The following NDST4 variants were observed in gnomAD, a reference collection of about 807,000 sequenced individuals.
NDST4 encodes the protein N-heparan sulfate sulfotransferase 4.
In NDST4, 63 loss-of-function variants were observed where a neutral mutation model predicts 100.8. The ratio of observed to expected loss-of-function variants is 0.62; its 90% CI spans 0.51 to 0.77. NDST4 has a LOEUF of 0.77. Among genes scored for constraint, NDST4 ranks in the 30% least tolerant of loss-of-function variants. The probability of loss-of-function intolerance (pLI) is 0.00; values close to 1 mark genes in which losing one functional copy is unlikely to be tolerated. For synonymous variants in NDST4, 377 were observed against 361.8 expected, an observed-to-expected ratio of 1.04 and a Z score of -0.48; for missense variants, 943 against 1,018.4, an observed-to-expected ratio of 0.93 and a Z score of 1.01.
intron 1 of NDST4, among the ~76,000 whole-genome samples, chr4:115,092,233 A>AT (rs201522212): frequency 0.021 from 3,247 of 152,054 alleles, 55 homozygotes; most frequent in Non-Finnish European, 0.036. Context: ...CCTAAAAGGA[A>AT]TTTTTTTTCT....
In NDST4 at chr4:115,011,612, G is replaced by T. The variant is rs1447862604; in HGVS notation, c.979-34338C>A. Among the ~76,000 whole-genome samples, 35 of 151,738 alleles carry T rather than the reference G, an allele frequency of 2.3e-4. 1 individual carries two copies. The highest frequency in any genetic ancestry group is 2.2e-3 in the Admixed American group (34 of 15,180). ...TTTATTAGAGAAATAGCAGTTTCAG[G>T]TAATAATAAACAATAAAAATCTATT... is the stretch of plus-strand genomic sequence containing the variant. On this transcript the variant is annotated intron_variant, in intron 2 of 13. Coordinates refer to ENST00000264363, the MANE Select transcript of NDST4 (RefSeq NM_022569.3).
At chr4:114,995,795 G>A (rs1727147142) in intron 2 of NDST4, among the ~76,000 whole-genome samples, 1 of 151,886 alleles carries the variant, frequency 6.6e-6, no homozygotes, top group Admixed American at 6.6e-5. Context: ...TGTATTAAAT[G>A]ACAACTCAGT....
At chr4:114,993,718 C>G (rs886783387) in intron 2 of NDST4, among the ~76,000 whole-genome samples, 23 of 151,922 alleles carry the variant, frequency 1.5e-4, no homozygotes, top group Admixed American at 4.6e-4. Flanking sequence ...CTATCTTCCG[C>G]TAATCAACTG....
At chr4:115,092,114 A>T (rs1451817491) in intron 1 of NDST4, among the ~76,000 whole-genome samples, 3 of 152,222 alleles carry the variant, frequency 2.0e-5, no homozygotes, top group Non-Finnish European at 4.4e-5. Context: ...AAAAGTAGCC[A>T]TAGAGCAAAT....
Position 114,852,755 on chromosome 4 carries a change from TTGGTAAG to T in NDST4, c.1779_1785del (p.His593GlnfsTer4). ...TTTTGTGGACCAATTACTAGAAATT[TTGGTAAG>T]TGGTCACAAGTTTTCTCTCTGGACC... is the stretch of plus-strand genomic sequence containing the variant. On this transcript the variant is annotated frameshift_variant, in exon 8 of 14. Coordinates refer to ENST00000264363, the MANE Select transcript of NDST4 (RefSeq NM_022569.3). LOFTEE classifies it high-confidence loss of function. 1 of 1,612,074 alleles carries T rather than the reference TTGGTAAG, an allele frequency of 6.2e-7. No individual in the cohort carries two copies. Among genetic ancestry groups the T allele is most frequent in the Non-Finnish European group, 8.5e-7 (1 of 1,178,618 alleles).
At chr4:114,878,700 T>C (rs746830867) in intron 6 of NDST4, among the ~76,000 whole-genome samples, 10 of 152,118 alleles carry the variant, frequency 6.6e-5, no homozygotes, top group South Asian at 2.1e-4. Flanking sequence ...TTTGTTGTGA[T>C]GCCCAAATGA....
At chr4:114,931,006 A>G (rs1261081277) in intron 6 of NDST4, among the ~76,000 whole-genome samples, 1 of 152,078 alleles carries the variant, frequency 6.6e-6, no homozygotes, top group African/African-American at 2.4e-5. Flanking sequence ...AAAACTATCT[A>G]GTTTCAATTC....
chr4:115,020,555 G>A (rs1443953525), intron 2 of NDST4, among the ~76,000 whole-genome samples: 2 of 151,990 alleles, frequency 1.3e-5, no homozygotes, highest in Non-Finnish European at 2.9e-5. Flanking sequence ...ATAAATAGCT[G>A]GGGCTTAATT....
intron 2 of NDST4, among the ~76,000 whole-genome samples, chr4:115,066,495 A>T (rs28369395): frequency 0.043 from 6,536 of 152,240 alleles, 491 homozygotes; most frequent in African/African-American, 0.15. Flanking sequence ...TCCTCTTGCA[A>T]GTAAGTTTGA....
In NDST4 at chr4:115,078,424, G is replaced by A. The variant is rs573245160; in HGVS notation, c.-246-1142C>T. ...TATGGACAGTGAAATACAAGCTAAGGAGGTCTCAGATGGAAATGAGGAACT... is the reference window on the plus strand; with the variant it reads ...TATGGACAGTGAAATACAAGCTAAGAAGGTCTCAGATGGAAATGAGGAACT... On this transcript the variant is annotated intron_variant, in intron 1 of 13. Coordinates refer to ENST00000264363, the MANE Select transcript of NDST4 (RefSeq NM_022569.3). 9.9e-5 allele frequency among the ~76,000 whole-genome samples: 15 copies of A among 152,276 alleles called. No individual in the cohort carries two copies. The South Asian group carries it at 2.9e-3, about 29-fold the overall frequency.
At chr4:114,878,169 C>G (rs1415920289) in intron 6 of NDST4, among the ~76,000 whole-genome samples, 1 of 152,138 alleles carries the variant, frequency 6.6e-6, no homozygotes, top group Admixed American at 6.6e-5. Context: ...CTTTAAATCT[C>G]CACTTACAGT....
chr4:115,016,615 G>T (rs1487171576), intron 2 of NDST4, among the ~76,000 whole-genome samples: 1 of 152,076 alleles, frequency 6.6e-6, no homozygotes, highest in African/African-American at 2.4e-5. Flanking sequence ...TTACTATGTT[G>T]GCTGTGGTGA....
chr4:114,925,413 A>T (rs1461618319), intron 6 of NDST4, among the ~76,000 whole-genome samples: 7 of 152,152 alleles, frequency 4.6e-5, no homozygotes, highest in Non-Finnish European at 1.5e-5. Context: ...AGGTTATTTC[A>T]TGTGGATGTT....
intron 2 of NDST4, among the ~76,000 whole-genome samples, chr4:115,002,606 T>C (rs2126256441): frequency 6.6e-6 from 1 of 152,310 alleles, no homozygotes; most frequent in East Asian, 1.9e-4. Context: ...CTAGGTGTTC[T>C]TCTAGTTTTT....
intron 9 of NDST4, among the ~76,000 whole-genome samples, chr4:114,846,682 C>A (rs989836605): frequency 6.6e-6 from 1 of 152,130 alleles, no homozygotes. Context: ...TAATTCAGTG[C>A]AAGTCTTTAA....
intron 2 of NDST4, among the ~76,000 whole-genome samples, chr4:115,031,275 C>T (rs1560573560): frequency 6.6e-6 from 1 of 152,018 alleles, no homozygotes; most frequent in African/African-American, 2.4e-5. Flanking sequence ...CTGCTCCAGA[C>T]ATGTTGCTCT....
Position 115,076,984 on chromosome 4 carries a change from A to T in NDST4, c.53T>A (p.Leu18Ter). ...AATGCTCACCAAGCAAAAGGTAGCTAAGAGAACAATCAATGTTCGAAAACT... is the reference window on the plus strand; with the variant it reads ...AATGCTCACCAAGCAAAAGGTAGCTTAGAGAACAATCAATGTTCGAAAACT... The part of the protein sequence containing the change: ...RRSFRTLIVL[L>*]ATFCLVSIVI... Residue 18 changes from leucine (L) to a stop codon, truncating the protein, a stop_gained, in exon 2 of 14, where the codon TTA (leucine) becomes TAA (stop). Coordinates refer to ENST00000264363, the MANE Select transcript of NDST4 (RefSeq NM_022569.3). LOFTEE classifies it high-confidence loss of function. 1 of 1,612,486 alleles carries T rather than the reference A, an allele frequency of 6.2e-7. No individual in the cohort carries two copies. The highest frequency in any genetic ancestry group is 8.5e-7 in the Non-Finnish European group (1 of 1,179,374).
chr4:114,873,660 T>C (rs1724197374), intron 6 of NDST4, among the ~76,000 whole-genome samples: 1 of 152,040 alleles, frequency 6.6e-6, no homozygotes, highest in Non-Finnish European at 1.5e-5. Context: ...GACCATATAA[T>C]TGCAATTATT....
At chr4:115,049,072 G>A (rs983286981) in intron 2 of NDST4, among the ~76,000 whole-genome samples, 2 of 152,146 alleles carry the variant, frequency 1.3e-5, no homozygotes, top group African/African-American at 4.8e-5. Context: ...GATTGAGGAT[G>A]TTCAATTATT....
Sources: gnomAD v4.1 joint callset for allele counts (sites outside exome capture counted in the v4.1 genomes callset) on GRCh38, gnomAD v4.1.1 for gene constraint, MANE v1.5 for transcripts, NCBI Gene and HGNC (gene_info 2026-07-23, HGNC 2026-07-21) for gene names.